Variants in PSME2 observed in about 807,000 individuals in gnomAD.
PSME2 encodes proteasome activator complex subunit 2.
Under a neutral mutation model 38.8 loss-of-function variants are expected in PSME2, and 20 were observed. That is an observed-to-expected ratio of 0.52 (90% CI 0.36 to 0.75). The LOEUF is 0.75. PSME2 is among the 30% of genes least tolerant of loss of function. The probability of loss-of-function intolerance (pLI) is 0.00; values close to 1 mark genes in which losing one functional copy is unlikely to be tolerated. For missense variants in PSME2, 227 were observed against 287.6 expected, an observed-to-expected ratio of 0.79 and a Z score of 1.52; for synonymous variants, 82 against 102.5, an observed-to-expected ratio of 0.80 and a Z score of 1.21.
intron 2 of PSME2, 174 bp from the exon 3 acceptor site, chr14:24,145,946 AG>A (rs2038146957): frequency 1.2e-6 from 1 of 834,702 alleles, no homozygotes; most frequent in Non-Finnish European, 2.0e-6. Flanking sequence ...AACGAAGGTT[AG>A]GACTGTGATA....
intron 2 of PSME2, 119 bp downstream of exon 2, chr14:24,146,089 G>T: frequency 7.8e-7 from 1 of 1,284,726 alleles, no homozygotes. Context: ...TTGGGTGAAG[G>T]CTTGGTAAGG....
chr14:24,145,726 A>G lies in PSME2; in HGVS notation c.128T>C (p.Leu43Pro), dbSNP rs979727865. The G allele has an allele frequency of 6.2e-7, 1 of 1,613,974 alleles. No individual in the cohort carries two copies. Residue 43 changes from leucine to proline, a missense_variant, in exon 3 of 11, where the codon CTG (leucine) becomes CCG (proline). Coordinates refer to ENST00000216802, the MANE Select transcript of PSME2 (RefSeq NM_002818.3). ...ACTACTCACTTGCAAGAGCTGATTC[A>G]GGTATATGATTTTCTGTGGCAAGAA... ...YRFLPQKIIY[L>P]NQLLQEDSLN...
At position 24,145,223 on chromosome 14, in the gene PSME2, T is replaced by G. The variant is rs748556696; in HGVS notation, c.262+20A>C. On this transcript the variant is annotated intron_variant, in intron 5 of 10. Transcript: ENST00000216802. ...CAGTGTGCCATCACCCCTTCCCTAGTCACCTCTTATCTCTCTTACCTTCTT... is the reference window on the plus strand; with the variant it reads ...CAGTGTGCCATCACCCCTTCCCTAGGCACCTCTTATCTCTCTTACCTTCTT... 6.2e-7 allele frequency: 1 copy of G among 1,613,638 alleles called. No individual in the cohort carries two copies. Among genetic ancestry groups the G allele is most frequent in the Non-Finnish European group, 8.5e-7 (1 of 1,179,638 alleles).
chr14:24,145,571 C>T, intron 3 of PSME2, 106 bp from the exon 4 acceptor site: 3 of 1,439,090 alleles, frequency 2.1e-6, no homozygotes, highest in East Asian at 2.3e-5. Context: ...AACCTAGGCT[C>T]ATGCCTCACG....
chr14:24,146,354 T>C, intron 1 of PSME2, 114 bp from the exon 2 acceptor site: 1 of 1,475,904 alleles, frequency 6.8e-7, no homozygotes, highest in South Asian at 1.1e-5. Flanking sequence ...ACAAACTAGC[T>C]TTCCCTGGAA....
rs1301378522 is a variant in PSME2, at chr14:24,143,970, C to T, written c.552+5G>A. ...AGCTAAAAGGCTGGTGGACTATCCA[C>T]TCACTACATGAGTCTCCTTGGAGGC... On this transcript the variant is annotated splice_donor_5th_base_variant and intron_variant, in intron 9 of 10. Transcript: ENST00000216802. The surrounding 1 kb of genome is among the most constrained non-coding windows in gnomAD (Gnocchi z 4.4). 2 of 1,613,890 alleles carry T rather than the reference C, an allele frequency of 1.2e-6. No homozygotes were observed. Among genetic ancestry groups the T allele is most frequent in the African/African-American group, 1.3e-5 (1 of 74,946 alleles).
intron 6 of PSME2, 36 bp downstream of exon 6, chr14:24,145,022 T>A: frequency 1.3e-6 from 2 of 1,572,070 alleles, no homozygotes; most frequent in Non-Finnish European, 1.8e-6. Context: ...ACCTTGTGTG[T>A]CTTCTCTTTC....
At chr14:24,144,345 G>T in intron 7 of PSME2, 55 bp downstream of exon 7, 2 of 1,607,406 alleles carry the variant, frequency 1.2e-6, no homozygotes, top group Non-Finnish European at 1.7e-6. Context: ...TTCATGTCTA[G>T]CTCACCCCCT....
rs1380350169 is a variant in PSME2, at chr14:24,143,957, G to A, written c.552+18C>T. 6 of 1,612,972 alleles carry A rather than the reference G, an allele frequency of 3.7e-6. No individual in the cohort carries two copies. The South Asian group carries it at 5.5e-5, about 15-fold the overall frequency. ...TCGTCCCACACCCAGCTAAAAGGCT[G>A]GTGGACTATCCACTCACTACATGAG... is the stretch of plus-strand genomic sequence containing the variant. On this transcript the variant is annotated intron_variant, in intron 9 of 10. Coordinates refer to ENST00000216802, the MANE Select transcript of PSME2 (RefSeq NM_002818.3). The surrounding 1 kb of genome is among the most constrained non-coding windows in gnomAD (Gnocchi z 4.4).
chr14:24,146,039 G>A (rs2038148907), intron 2 of PSME2, 169 bp downstream of exon 2: 5 of 883,386 alleles, frequency 5.7e-6, no homozygotes, highest in Non-Finnish European at 9.1e-6. Flanking sequence ...TCATAAGAAA[G>A]GTCAGATTAA....
chr14:24,145,035 C>T, intron 6 of PSME2, 23 bp downstream of exon 6: 2 of 1,590,218 alleles, frequency 1.3e-6, no homozygotes, highest in Non-Finnish European at 1.7e-6. Context: ...TCTCTTTCTG[C>T]TTCCCCCATT....
At position 24,146,560 on chromosome 14, in the gene PSME2, G is replaced by A. The variant is rs2038161414; in HGVS notation, c.22C>T (p.Arg8Cys). Residue 8 changes from arginine to cysteine, a missense_variant, in exon 1 of 11, where the codon CGC becomes TGC. Around this residue, in one of 3 missense-constraint regions of PSME2, gnomAD observed 80 missense variants for 77.3 expected, o/e 1.04. Coordinates refer to ENST00000216802, the MANE Select transcript of PSME2 (RefSeq NM_002818.3). MAKPCGV[R>C]LSGEARKQVE... ...TGTTTGCGGGCTTCCCCGCTCAGGC[G>A]CACCCCACACGGCTTGGCCATGCTG... 1.9e-6 allele frequency: 3 copies of A among 1,613,716 alleles called. No individual in the cohort carries two copies. The highest frequency in any genetic ancestry group is 1.6e-4 in the Middle Eastern group (1 of 6,062).
At position 24,144,202 on chromosome 14, in the gene PSME2, T is replaced by C. The variant is rs1398375765; in HGVS notation, c.487A>G (p.Thr163Ala). 1.2e-6 allele frequency: 2 copies of C among 1,614,220 alleles called. No individual in the cohort carries two copies. The highest frequency in any genetic ancestry group is 4.5e-5 in the East Asian group (2 of 44,884). Residue 163 changes from threonine (T) to alanine (A), a missense_variant, in exon 8 of 11, where the codon ACC (threonine) becomes GCC (alanine). Around this residue, in one of 3 missense-constraint regions of PSME2, gnomAD observed 99 missense variants for 113.9 expected, o/e 0.87. Coordinates refer to ENST00000216802, the MANE Select transcript of PSME2 (RefSeq NM_002818.3). Reference protein sequence around the residue: ...VKTKVEAFQTTISKYFSERGD... With the variant: ...VKTKVEAFQTAISKYFSERGD... ...TCCAGCTGCCCTCACTTGGAAATGGTTGTCTGGAAAGCTTCCACTTTGGTC... is the reference window on the plus strand; with the variant it reads ...TCCAGCTGCCCTCACTTGGAAATGGCTGTCTGGAAAGCTTCCACTTTGGTC...
Position 24,145,057 on chromosome 14 carries a change from C to A in PSME2, c.360+1G>T. 6.2e-7 allele frequency: 1 copy of A among 1,610,840 alleles called. No individual in the cohort carries two copies. The highest frequency in any genetic ancestry group is 8.5e-7 in the Non-Finnish European group (1 of 1,177,058). On this transcript the variant is annotated splice_donor_variant, in intron 6 of 10. Transcript: ENST00000216802. LOFTEE classifies it high-confidence loss of function. Reference sequence around the variant, plus strand: ...CTGCTTCCCCCATTTCCCAGGCTTACCAGAATGCATTTCTCTTTGAGAGTC... The same window carrying A: ...CTGCTTCCCCCATTTCCCAGGCTTAACAGAATGCATTTCTCTTTGAGAGTC...
rs760811835 is a variant in PSME2, at chr14:24,145,079, A to G, written c.339T>C (p.Thr113=). 6.2e-7 allele frequency: 1 copy of G among 1,613,370 alleles called. No homozygotes were observed. Among genetic ancestry groups the G allele is most frequent in the Non-Finnish European group, 8.5e-7 (1 of 1,179,422 alleles). The change falls in exon 6 of 11, where the codon ACT becomes ACC. Residue 113 remains threonine (T), a synonymous_variant. Coordinates refer to ENST00000216802, the MANE Select transcript of PSME2 (RefSeq NM_002818.3). ...LLALVKPEVW[T]LKEKCILVIT... ...TTACCAGAATGCATTTCTCTTTGAG[A>G]GTCCAGACTTCTGGCTTAACCAGGG...
Position 24,145,112 on chromosome 14 carries a change from G to C in PSME2, c.306C>G (p.Ser102=). The C allele has an allele frequency of 6.2e-7, 1 of 1,613,772 alleles. No homozygotes were observed. Among genetic ancestry groups the C allele is most frequent in the African/African-American group, 1.3e-5 (1 of 74,980 alleles). Residue 102 remains serine, a synonymous_variant, in exon 6 of 11, where the codon TCC becomes TCG. Coordinates refer to ENST00000216802, the MANE Select transcript of PSME2 (RefSeq NM_002818.3). ...CTTCTGGCTTAACCAGGGCAAGCAG[G>C]GACAGGACTTTCTCATTCCCAGGGA... The part of the protein sequence containing the change: ...GFLPGNEKVL[S]LLALVKPEVW...
intron 7 of PSME2, 47 bp downstream of exon 7, chr14:24,144,353 C>T (rs1291643855): frequency 1.2e-6 from 2 of 1,607,878 alleles, no homozygotes; most frequent in Admixed American, 1.7e-5. Context: ...TAGCTCACCC[C>T]CTGAGGCTCT....
In PSME2 at chr14:24,143,426, T is replaced by G; in HGVS notation, c.703A>C (p.Lys235Gln). Residue 235 changes from lysine to glutamine, a missense_variant, in exon 11 of 11, where the codon AAG becomes CAG. Coordinates refer to ENST00000216802, the MANE Select transcript of PSME2 (RefSeq NM_002818.3). The surrounding 1 kb of genome is among the most constrained non-coding windows in gnomAD (Gnocchi z 4.4). Reference protein sequence around the residue: ...EKIVNPKGEEKPSMY With the variant: ...EKIVNPKGEEQPSMY ...TCCCGGGTTCAGTACATAGATGGCT[T>G]TTCTTCACCCTTTGGGTTGACAATT... 6 of 1,614,036 alleles carry G rather than the reference T, an allele frequency of 3.7e-6. No homozygotes were observed. Among genetic ancestry groups the G allele is most frequent in the Non-Finnish European group, 5.1e-6 (6 of 1,179,886 alleles).
Position 24,144,091 on chromosome 14 carries a change from C to T in PSME2, c.498-62G>A. 5 of 1,610,784 alleles carry T rather than the reference C, an allele frequency of 3.1e-6. No individual in the cohort carries two copies. In the South Asian group the frequency reaches 4.4e-5, roughly 14 times the overall value. ...TCAGGGAGATGTACTCCCTCAGACC[C>T]TTCCCAAAGTCTCCCATCATCCTGA... On this transcript the variant is annotated intron_variant, in intron 8 of 10. Coordinates refer to ENST00000216802, the MANE Select transcript of PSME2 (RefSeq NM_002818.3).
Sources: gnomAD v4.1 joint callset for allele counts on GRCh38, gnomAD v4.1.1 for gene constraint, gnomAD v4.1.1 regional missense constraint, Gnocchi (gnomAD v3.1) non-coding constraint, MANE v1.5 for transcripts, NCBI Gene and HGNC (gene_info 2026-07-23, HGNC 2026-07-21) for gene names.